NEBL: variants seen among roughly 807,000 people sequenced by gnomAD.
NEBL encodes the protein LIM and SH3 protein 2.
In NEBL, 122 loss-of-function variants were observed where a neutral mutation model predicts 140.2. That is an observed-to-expected ratio of 0.87 (90% CI 0.75 to 1.01). The LOEUF (loss-of-function observed/expected upper bound fraction) is 1.01. NEBL is among the 50% of genes least tolerant of loss of function. The pLI is 0.00. For synonymous variants in NEBL, 436 were observed against 398.9 expected, an observed-to-expected ratio of 1.09 and a Z score of -1.11; for missense variants, 1,365 against 1,231.3, an observed-to-expected ratio of 1.11 and a Z score of -1.62.
At position 21,128,397 on chromosome 10, in the gene NEBL, T is replaced by TCACACA. The variant is rs529934811; in HGVS notation, c.164+43980_164+43985dup. 1.4e-3 allele frequency among the ~76,000 whole-genome samples: 216 copies of TCACACA among 152,104 alleles called. 4 individuals are homozygous for TCACACA. Among genetic ancestry groups the TCACACA allele is most frequent in the Admixed American group, 0.013 (194 of 15,266 alleles). ...GAAGAGGCTCTCCAGACCAAAAATG[T>TCACACA]CACACACACACCCCCAAGAGCATTT... On this transcript the variant is annotated intron_variant, in intron 2 of 6. Transcript: ENST00000417816.
intron 3 of NEBL, among the ~76,000 whole-genome samples, chr10:21,192,616 G>A (rs1238494945): frequency 5.9e-5 from 9 of 151,520 alleles, no homozygotes; most frequent in Non-Finnish European, 1.0e-4. Flanking sequence ...AGGCCAAGGC[G>A]GGTGGATCAC....
chr10:20,836,825 T>C (rs1358413351), intron 13 of NEBL, among the ~76,000 whole-genome samples: 1 of 151,564 alleles, frequency 6.6e-6, no homozygotes, highest in Non-Finnish European at 1.5e-5. Context: ...TCTGCAAGCC[T>C]AAATTTTCAT....
intron 2 of NEBL, among the ~76,000 whole-genome samples, chr10:21,079,955 C>T (rs527829877): frequency 1.1e-3 from 170 of 152,202 alleles, no homozygotes; most frequent in African/African-American, 2.8e-3. Flanking sequence ...CAGAGAGGGG[C>T]GGAGTATAGA....
chr10:20,925,076 C>A (rs1253550142), intron 4 of NEBL, among the ~76,000 whole-genome samples: 1 of 151,662 alleles, frequency 6.6e-6, no homozygotes, highest in Non-Finnish European at 1.5e-5. Flanking sequence ...AAAGTGTAGC[C>A]CCGGAAATAA....
chr10:20,962,292 C>T (rs1836088078), intron 3 of NEBL, among the ~76,000 whole-genome samples: 1 of 152,224 alleles, frequency 6.6e-6, no homozygotes. Context: ...GAAGAATTGA[C>T]AGCTAGCCCT....
intron 4 of NEBL, among the ~76,000 whole-genome samples, chr10:20,885,091 A>G (rs1187175159): frequency 6.6e-6 from 1 of 152,208 alleles, no homozygotes; most frequent in Non-Finnish European, 1.5e-5. Flanking sequence ...TAATTTGTCA[A>G]AAGTTAAAGA....
rs77352066 is a variant in NEBL, at chr10:20,814,321, C to A, written c.2242-278G>T. Reference sequence around the variant, plus strand: ...TATCTAGTCTGTAAACCTGCGCAAGCCCGAGGACTCGTATCTGTAATCACA... The same window carrying A: ...TATCTAGTCTGTAAACCTGCGCAAGACCGAGGACTCGTATCTGTAATCACA... On this transcript the variant is annotated intron_variant, in intron 22 of 27. Coordinates refer to ENST00000377122, the MANE Select transcript of NEBL (RefSeq NM_006393.3). Among the ~76,000 whole-genome samples the A allele has an allele frequency of 7.9e-3, 1,205 of 151,994 alleles. 17 individuals carry two copies. The highest frequency in any genetic ancestry group is 0.027 in the African/African-American group (1,119 of 41,440).
chr10:20,926,303 A>C (rs1833909935), intron 4 of NEBL, among the ~76,000 whole-genome samples: 1 of 152,240 alleles, frequency 6.6e-6, no homozygotes, highest in Non-Finnish European at 1.5e-5. Flanking sequence ...AGCTCTGAGC[A>C]TGATTTATAT....
chr10:20,804,525 A>T (rs1222501805), intron 26 of NEBL: 1 of 152,142 alleles, frequency 6.6e-6, no homozygotes, highest in African/African-American at 2.4e-5. Flanking sequence ...CACTTAAGAG[A>T]GGGTGAATCA....
chr10:21,165,159 T>G (rs1426788994), intron 2 of NEBL, among the ~76,000 whole-genome samples: 1 of 152,196 alleles, frequency 6.6e-6, no homozygotes, highest in Non-Finnish European at 1.5e-5. Flanking sequence ...ATTTAATCTC[T>G]ATAAAGTCCC....
At chr10:20,944,447 T>C (rs1233634345) in intron 4 of NEBL, among the ~76,000 whole-genome samples, 1 of 152,102 alleles carries the variant, frequency 6.6e-6, no homozygotes, top group East Asian at 1.9e-4. Context: ...TTAAATATAA[T>C]AATTGGTTTA....
At chr10:20,885,892 A>G (rs942104017) in intron 4 of NEBL, among the ~76,000 whole-genome samples, 3 of 152,210 alleles carry the variant, frequency 2.0e-5, no homozygotes, top group African/African-American at 4.8e-5. Context: ...TTGACATCAT[A>G]TATTTTAAGC....
chr10:20,945,132 G>A (rs765070397), intron 4 of NEBL, among the ~76,000 whole-genome samples: 10 of 152,116 alleles, frequency 6.6e-5, no homozygotes, highest in African/African-American at 1.4e-4. Context: ...ATTCCTGTAC[G>A]TGCAGTTTCC....
chr10:20,965,249 A>C (rs1423636163), intron 3 of NEBL, among the ~76,000 whole-genome samples: 2 of 152,186 alleles, frequency 1.3e-5, no homozygotes, highest in Non-Finnish European at 2.9e-5. Context: ...AGAGATGAAA[A>C]ACACACAAGA....
At chr10:21,249,234 T>TCTTAG (rs1842556772) in intron 2 of NEBL, among the ~76,000 whole-genome samples, 1 of 152,160 alleles carries the variant, frequency 6.6e-6, no homozygotes, top group African/African-American at 2.4e-5. Context: ...TGTCGTTGAA[T>TCTTAG]CTTAGGAGTT....
At chr10:21,032,633 CAGACTTATGAGA>C (rs141393863) in intron 2 of NEBL, among the ~76,000 whole-genome samples, 91,505 of 151,196 alleles carry the variant, frequency 0.61, 27,655 homozygotes, top group East Asian at 0.72. Flanking sequence ...CTTCAGAAAG[CAGACTTATGAGA>C]GCTGCTGATA....
intron 7 of NEBL, among the ~76,000 whole-genome samples, chr10:20,862,862 C>T (rs788993): frequency 0.22 from 33,493 of 151,644 alleles, 4,131 homozygotes; most frequent in East Asian, 0.43. Flanking sequence ...TATTTATCAC[C>T]TTTTTTTATT....
intron 16 of NEBL, 199 bp downstream of exon 16, chr10:20,830,997 T>C: frequency 1.7e-6 from 1 of 589,456 alleles, no homozygotes; most frequent in Non-Finnish European, 3.1e-6. Context: ...CTCTCCATAA[T>C]GTCTGTTGCA....
In NEBL at chr10:20,967,601, C is replaced by A. The variant is rs577075528; in HGVS notation, c.250-5822G>T. On this transcript the variant is annotated intron_variant, in intron 3 of 6. Coordinates refer to the NEBL transcript ENST00000417816. ...TGATATCACACTGCTGCACTCCAGC[C>A]TGGGTGACAGAGCGAGACTCCATCT... Among the ~76,000 whole-genome samples, 6 of 151,330 alleles carry A rather than the reference C, an allele frequency of 4.0e-5. No individual in the cohort carries two copies. In the South Asian group the frequency reaches 1.0e-3, roughly 26 times the overall value.
Sources: allele counts gnomAD v4.1 joint callset (sites outside exome capture counted in the v4.1 genomes callset), GRCh38; gene constraint gnomAD v4.1.1; transcripts MANE v1.5; gene names NCBI Gene and HGNC (gene_info 2026-07-23, HGNC 2026-07-21).